Variants in RPP40 observed in about 807,000 individuals in gnomAD.
RPP40 encodes the protein ribonuclease P protein subunit p40.
Under a neutral mutation model 42.5 loss-of-function variants are expected in RPP40, and 30 were observed. The observed-to-expected ratio is 0.71, with a 90% CI of 0.53 to 0.96. The LOEUF (loss-of-function observed/expected upper bound fraction) is 0.96. RPP40 is among the 40% of genes least tolerant of loss of function. RPP40 has a pLI of 0.00. For synonymous variants in RPP40, 173 were observed against 164.0 expected (o/e 1.05, Z -0.42); for missense variants, 426 against 433.5 (o/e 0.98, Z 0.15).
At chr6:4,989,071 T>C in the RPP40 span, among the ~76,000 whole-genome samples, 1 of 146,510 alleles carries the variant, frequency 6.8e-6, no homozygotes, top group East Asian at 1.9e-4. Flanking sequence ...GAGTTAGTGA[T>C]ATCATGATTT....
chr6:4,996,728 C>T (rs1759395827), intron 5 of RPP40, among the ~76,000 whole-genome samples: 2 of 152,158 alleles, frequency 1.3e-5, no homozygotes, highest in Admixed American at 1.3e-4. Context: ...AAAAGCATTC[C>T]TGATGTATGA....
chr6:4,994,937 G>A lies in RPP40; in HGVS notation c.*141C>T. On this transcript the variant is annotated 3_prime_UTR_variant, in exon 8 of 8. Transcript: ENST00000380051. ...TGCTGCCATCACAGATGGGTCTCAG[G>A]TGCAGGGCAGGATGCCAGCAAATGC... 1 of 712,362 alleles carries A rather than the reference G, an allele frequency of 1.4e-6. No homozygotes were observed. The highest frequency in any genetic ancestry group is 2.3e-6 in the Non-Finnish European group (1 of 435,400). 44.1% of individuals were successfully genotyped at this position (712,362 alleles called of 1,614,324 possible). A position where few individuals can be genotyped will look rare whatever the true frequency, so the allele number is the denominator to read the frequency against.
rs1262408151 is a variant in RPP40, at chr6:5,002,104, T to C, written c.265A>G (p.Lys89Glu). The C allele has an allele frequency of 1.2e-6, 2 of 1,611,124 alleles. No homozygotes were observed. Among genetic ancestry groups the C allele is most frequent in the East Asian group, 4.5e-5 (2 of 44,858 alleles). ...TPEFISTFIK[K>E]GSCYALTYNT... The stretch of plus-strand genomic sequence containing the variant: ...AGCCATTTCAGGTTTTTCTTACCTT[T>C]CTTTATAAAGGTACTGATGAATTCA... The change falls in exon 2 of 8, where the codon AAA (lysine) becomes GAA (glutamate). Residue 89 changes from lysine (K) to glutamate (E), a missense_variant. Coordinates refer to ENST00000380051, the MANE Select transcript of RPP40 (RefSeq NM_006638.4).
intron 2 of RPP40, 46 bp downstream of exon 2, chr6:5,002,055 C>T (rs764673432): frequency 8.7e-5 from 137 of 1,566,110 alleles, no homozygotes; most frequent in Non-Finnish European, 7.9e-6. Flanking sequence ...GTCTCCCTAC[C>T]CTTCCTCATC....
At chr6:4,998,965 T>A in intron 4 of RPP40, 124 bp from the exon 5 acceptor site, 1 of 570,716 alleles carries the variant, frequency 1.8e-6, no homozygotes, top group Non-Finnish European at 2.8e-6. Context: ...AATTATTTTA[T>A]TCTTCTTCCA....
chr6:5,002,929 C>G (rs1241492500), intron 1 of RPP40, among the ~76,000 whole-genome samples: 1 of 152,252 alleles, frequency 6.6e-6, no homozygotes, highest in Non-Finnish European at 1.5e-5. Flanking sequence ...CTCTGAAACA[C>G]TGCTCAGTCA....
At chr6:5,003,756 C>A in intron 1 of RPP40, 124 bp downstream of exon 1, 2 of 1,269,892 alleles carry the variant, frequency 1.6e-6, no homozygotes, top group Non-Finnish European at 2.1e-6. Flanking sequence ...GCAAGCCGGG[C>A]GAGGGCCCCG....
At chr6:4,996,173 C>T (rs1050568216) in intron 6 of RPP40, 49 bp downstream of exon 6, 2 of 1,606,034 alleles carry the variant, frequency 1.2e-6, no homozygotes, top group Non-Finnish European at 1.7e-6. Context: ...CTATTAAAAA[C>T]AAGCAGCAGG....
downstream of RPP40, among the ~76,000 whole-genome samples, chr6:4,992,866 T>C (rs939884342): frequency 2.0e-5 from 3 of 152,228 alleles, no homozygotes; most frequent in African/African-American, 7.2e-5. Context: ...GGTATGATTT[T>C]TTGGTATGTC....
intron 2 of RPP40, chr6:5,001,200 G>A: frequency 2.2e-6 from 1 of 454,416 alleles, no homozygotes; most frequent in East Asian, 7.0e-5. Context: ...ACCTCTCCAA[G>A]CCTCAGTTTC....
At chr6:4,995,400 A>G (rs1041790940) in intron 7 of RPP40, 124 bp from the exon 8 acceptor site, 1 of 715,460 alleles carries the variant, frequency 1.4e-6, no homozygotes, top group South Asian at 2.0e-5. Context: ...CTTAGCTTTA[A>G]TTTTTGAAAA....
downstream of RPP40, among the ~76,000 whole-genome samples, chr6:4,991,010 T>G (rs1759252633): frequency 6.6e-6 from 1 of 152,144 alleles, no homozygotes; most frequent in Non-Finnish European, 1.5e-5. Flanking sequence ...TCATTCCTAG[T>G]ATTGGTAACT....
intron 1 of RPP40, 190 bp downstream of exon 1, chr6:5,003,690 A>T: frequency 6.4e-6 from 4 of 620,852 alleles, no homozygotes; most frequent in Non-Finnish European, 1.0e-5. Flanking sequence ...TGGGAGTTGT[A>T]GTCCTGTAGC....
chr6:4,999,291 ATTTTTTTTTTTTT>A (rs145562587), intron 4 of RPP40, among the ~76,000 whole-genome samples: 4 of 84,282 alleles, frequency 4.7e-5, no homozygotes, highest in Admixed American at 2.9e-4. Flanking sequence ...AGTACTTGGA[ATTTTTTTTTTTTT>A]TTTTTTTTTT....
At chr6:5,000,120 G>A (rs185225111) in intron 3 of RPP40, among the ~76,000 whole-genome samples, 5 of 152,026 alleles carry the variant, frequency 3.3e-5, no homozygotes, top group Admixed American at 3.3e-4. Context: ...TTATAATAGT[G>A]AAATTTAAAA....
chr6:5,003,704 G>T, intron 1 of RPP40, 176 bp downstream of exon 1: 1 of 755,754 alleles, frequency 1.3e-6, no homozygotes. Context: ...CTGTAGCCCT[G>T]CAAGCCACTG....
intron 2 of RPP40, chr6:5,001,183 C>T (rs1759547352): frequency 6.6e-6 from 3 of 456,122 alleles, no homozygotes; most frequent in Non-Finnish European, 1.3e-5. Context: ...GATTCAAAAG[C>T]TACCCAACCT....
At chr6:5,001,327 G>A (rs1759551576) in intron 2 of RPP40, among the ~76,000 whole-genome samples, 1 of 152,202 alleles carries the variant, frequency 6.6e-6, no homozygotes, top group Non-Finnish European at 1.5e-5. Flanking sequence ...ACAGAGTGGT[G>A]TCAGGCCTTG....
chr6:4,994,741 T>C lies in RPP40; in HGVS notation c.*337A>G. 1 of 227,880 alleles carries C rather than the reference T, an allele frequency of 4.4e-6. No individual in the cohort carries two copies. Among genetic ancestry groups the C allele is most frequent in the Non-Finnish European group, 8.7e-6 (1 of 115,506 alleles). The allele number at this position is 227,880 out of a possible 1,614,324, so 14.1% of individuals were successfully genotyped here. A position where few individuals can be genotyped will look rare whatever the true frequency, so the allele number is the denominator to read the frequency against. ...GTAAGGATGAGATTTCTTTTTATTA[T>C]CTGAAAAAGTTGTAATGAACAAAAT... On this transcript the variant is annotated 3_prime_UTR_variant, in exon 8 of 8. Transcript: ENST00000380051.
Sources: gnomAD v4.1 joint callset for allele counts (sites outside exome capture counted in the v4.1 genomes callset) on GRCh38, gnomAD v4.1.1 for gene constraint, MANE v1.5 for transcripts, NCBI Gene and HGNC (gene_info 2026-07-23, HGNC 2026-07-21) for gene names.